The following PTPRN2 variants were observed in gnomAD, a reference collection of about 807,000 sequenced individuals.
PTPRN2 encodes receptor-type tyrosine-protein phosphatase N2.
Under a neutral mutation model 118.8 loss-of-function variants are expected in PTPRN2, and 74 were observed. That is an observed-to-expected ratio of 0.62 (90% CI 0.52 to 0.76). The LOEUF (loss-of-function observed/expected upper bound fraction) is 0.76. PTPRN2 is among the 30% of genes least tolerant of loss of function. The probability of loss-of-function intolerance (pLI) is 0.00; values close to 1 mark genes in which losing one functional copy is unlikely to be tolerated. For synonymous variants in PTPRN2, 641 were observed against 608.0 expected, an observed-to-expected ratio of 1.05 and a Z score of -0.80; for missense variants, 1,481 against 1,394.4, an observed-to-expected ratio of 1.06 and a Z score of -0.99.
At chr7:158,311,130 C>A (rs1368561559) in intron 3 of PTPRN2, among the ~76,000 whole-genome samples, 1 of 151,970 alleles carries the variant, frequency 6.6e-6, no homozygotes, top group African/African-American at 2.4e-5. Context: ...GGAGGCAGAA[C>A]CCGGCTCCCC....
chr7:157,544,207 G>A (rs1052045695), intron 22 of PTPRN2, among the ~76,000 whole-genome samples: 6 of 152,114 alleles, frequency 3.9e-5, no homozygotes, highest in African/African-American at 1.4e-4. Flanking sequence ...CTACGGAAAT[G>A]AACAGTTTCA....
At position 158,110,963 on chromosome 7, in the gene PTPRN2, T is replaced by C. The variant is rs867468568; in HGVS notation, c.1557-48A>G. ...GGAGCAGTCACCACAGAGCCAGCAG[T>C]CCTGGAGAACTAAAGCCCTGTGGCC... On this transcript the variant is annotated intron_variant, in intron 9 of 22. Coordinates refer to ENST00000389418, the MANE Select transcript of PTPRN2 (RefSeq NM_002847.5). The C allele has an allele frequency of 1.9e-5, 29 of 1,487,246 alleles. 1 individual carries two copies. The Middle Eastern group carries it at 1.2e-3, about 59-fold the overall frequency. The allele number at this position is 1,487,246 out of a possible 1,614,324, so 92.1% of individuals were successfully genotyped here.
chr7:158,368,598 T>A (rs150481121), intron 2 of PTPRN2, among the ~76,000 whole-genome samples: 1 of 152,204 alleles, frequency 6.6e-6, no homozygotes, highest in Non-Finnish European at 1.5e-5. Flanking sequence ...AAATGACAGG[T>A]GTGGAAGCCA....
At chr7:157,928,714 G>A (rs1351155657) in intron 11 of PTPRN2, among the ~76,000 whole-genome samples, 1 of 150,030 alleles carries the variant, frequency 6.7e-6, no homozygotes. Flanking sequence ...TAGGGGTGGG[G>A]TGGGGAGGGG....
chr7:157,725,294 C>T lies in PTPRN2; in HGVS notation c.1789-42357G>A, dbSNP rs13308764. Among the ~76,000 whole-genome samples the T allele has an allele frequency of 6.0e-3, 578 of 96,682 alleles. 8 individuals are homozygous for T. The highest frequency in any genetic ancestry group is 0.024 in the African/African-American group (430 of 17,722). 63.4% of individuals were successfully genotyped at this position (96,682 alleles called of 152,430 possible). On this transcript the variant is annotated intron_variant, in intron 12 of 22. Coordinates refer to ENST00000389418, the MANE Select transcript of PTPRN2 (RefSeq NM_002847.5). ...CCTGGCCTCCCAGGAGAACTGGATA[C>T]CTACACCCAGAGGAGTGTGGCCAGA...
Position 157,612,023 on chromosome 7 carries a change from G to A in PTPRN2, c.2345-7948C>T, listed in dbSNP as rs193139183. Among the ~76,000 whole-genome samples, 665 of 152,350 alleles carry A rather than the reference G, an allele frequency of 4.4e-3. 5 individuals carry two copies. The highest frequency in any genetic ancestry group is 7.1e-3 in the Non-Finnish European group (486 of 68,030). Reference sequence around the variant, plus strand: ...TCCATTTCTGGCCTCCGGAATGGGAGACAGCCTGCTTTGGCCACATACACT... The same window carrying A: ...TCCATTTCTGGCCTCCGGAATGGGAAACAGCCTGCTTTGGCCACATACACT... On this transcript the variant is annotated intron_variant, in intron 15 of 22. Transcript: ENST00000389418.
At chr7:158,311,894 G>C (rs1047250550) in intron 3 of PTPRN2, among the ~76,000 whole-genome samples, 1 of 122,634 alleles carries the variant, frequency 8.2e-6, no homozygotes, top group Non-Finnish European at 1.7e-5. Flanking sequence ...TGCACGTGTA[G>C]ACACCCACAC....
intron 12 of PTPRN2, among the ~76,000 whole-genome samples, chr7:157,887,188 G>T (rs947268631): frequency 1.3e-5 from 2 of 152,144 alleles, no homozygotes; most frequent in South Asian, 4.1e-4. Context: ...CCTCAGATGG[G>T]CTGAATGCAG....
At chr7:158,447,548 G>A (rs993099156) in intron 2 of PTPRN2, among the ~76,000 whole-genome samples, 10 of 152,278 alleles carry the variant, frequency 6.6e-5, no homozygotes, top group East Asian at 1.9e-4. Context: ...CTGCCCACGC[G>A]GCCCGATAAG....
At chr7:158,070,713 T>G (rs1585328788) in intron 11 of PTPRN2, among the ~76,000 whole-genome samples, 2 of 74,904 alleles carry the variant, frequency 2.7e-5, no homozygotes, top group African/African-American at 6.0e-5. Context: ...GTGGCGGAGG[T>G]GCCTGTGGTG....
intron 3 of PTPRN2, among the ~76,000 whole-genome samples, chr7:158,275,180 GA>G (rs1798876872): frequency 1.3e-5 from 2 of 152,074 alleles, no homozygotes; most frequent in African/African-American, 4.8e-5. Flanking sequence ...CTCCAGCAGG[GA>G]CAGCACCGTG....
At chr7:158,215,944 T>C (rs1332876192) in intron 3 of PTPRN2, among the ~76,000 whole-genome samples, 1 of 152,188 alleles carries the variant, frequency 6.6e-6, no homozygotes, top group African/African-American at 2.4e-5. Flanking sequence ...TGCAAGAACA[T>C]GGCAAGCAAC....
intron 11 of PTPRN2, among the ~76,000 whole-genome samples, chr7:157,993,509 G>C (rs939258795): frequency 6.6e-6 from 1 of 152,094 alleles, no homozygotes; most frequent in African/African-American, 2.4e-5. Context: ...AAGAGCAGTG[G>C]GAAGCTTCCA....
At chr7:157,551,287 G>A (rs1458087489) in intron 21 of PTPRN2, among the ~76,000 whole-genome samples, 2 of 152,038 alleles carry the variant, frequency 1.3e-5, no homozygotes, top group Non-Finnish European at 2.9e-5. Flanking sequence ...GTGGCTTCTG[G>A]ACACATTGAA....
At chr7:157,543,325 C>T (rs1798102171) in intron 22 of PTPRN2, among the ~76,000 whole-genome samples, 1 of 152,234 alleles carries the variant, frequency 6.6e-6, no homozygotes, top group Non-Finnish European at 1.5e-5. Context: ...GGAGAAAGAT[C>T]CCACGGCTTC....
chr7:158,359,765 T>C (rs988385685), intron 2 of PTPRN2, among the ~76,000 whole-genome samples: 1 of 152,040 alleles, frequency 6.6e-6, no homozygotes, highest in African/African-American at 2.4e-5. Context: ...TATTTGAAAA[T>C]TAAAACATGA....
chr7:158,373,326 C>G (rs1437890679), intron 2 of PTPRN2, among the ~76,000 whole-genome samples: 1 of 152,182 alleles, frequency 6.6e-6, no homozygotes, highest in Non-Finnish European at 1.5e-5. Context: ...TTGCTCTTGC[C>G]TTTGCTAAAA....
chr7:158,504,686 G>T (rs371010452), intron 1 of PTPRN2, among the ~76,000 whole-genome samples: 2 of 152,136 alleles, frequency 1.3e-5, no homozygotes, highest in Non-Finnish European at 2.9e-5. Flanking sequence ...ATAACACATT[G>T]TGAACAATTC....
At chr7:158,181,948 C>T (rs184872765) in intron 5 of PTPRN2, among the ~76,000 whole-genome samples, 257 of 149,246 alleles carry the variant, frequency 1.7e-3, no homozygotes, top group African/African-American at 6.0e-3. Flanking sequence ...TTTTCTTCTT[C>T]CAGCTTTGGG....
Sources: gnomAD v4.1 joint callset for allele counts (sites outside exome capture counted in the v4.1 genomes callset) on GRCh38, gnomAD v4.1.1 for gene constraint, MANE v1.5 for transcripts, NCBI Gene and HGNC (gene_info 2026-07-23, HGNC 2026-07-21) for gene names.